WTAP: variants seen among roughly 807,000 people sequenced by gnomAD.
WTAP encodes the protein WT1 associated protein, also known as pre-mRNA-splicing regulator WTAP.
Under a neutral mutation model 50.0 loss-of-function variants are expected in WTAP, and 8 were observed. The ratio of observed to expected loss-of-function variants is 0.16; its 90% CI spans 0.09 to 0.29. The LOEUF (loss-of-function observed/expected upper bound fraction) is 0.29, where lower values mean the gene tolerates loss of function less well. Ranked by LOEUF, WTAP falls within the 10% of genes least tolerant of loss-of-function variation. The pLI is 1.00. For missense variants in WTAP, 295 were observed against 470.7 expected (o/e 0.63, Z 3.45); for synonymous variants, 194 against 169.0 (o/e 1.15, Z -1.15).
chr6:159,741,761 G>A (rs1779269579), intron 3 of WTAP: 4 of 203,276 alleles, frequency 2.0e-5, no homozygotes, highest in Non-Finnish European at 2.0e-5. Flanking sequence ...GCCAGGGTGT[G>A]AGGATCATTT....
intron 1 of WTAP, among the ~76,000 whole-genome samples, chr6:159,735,614 T>G (rs934411924): frequency 2.6e-5 from 4 of 152,048 alleles, no homozygotes. Flanking sequence ...CCAGGTGTGG[T>G]GGCACGCACC....
chr6:159,733,057 G>T (rs140729247), intron 1 of WTAP, among the ~76,000 whole-genome samples: 232 of 152,230 alleles, frequency 1.5e-3, no homozygotes, highest in Non-Finnish European at 1.7e-3. Flanking sequence ...TAAATATGGT[G>T]ATGGTTTCTG....
At chr6:159,727,012 G>A, upstream of WTAP, 4 of 1,248,120 alleles carry the variant, frequency 3.2e-6, no homozygotes, top group Non-Finnish European at 4.1e-6. Context: ...CTCCGCACGA[G>A]GCAGCCCCGC....
At chr6:159,730,014 A>C (rs1343519097) in intron 1 of WTAP, among the ~76,000 whole-genome samples, 1 of 152,146 alleles carries the variant, frequency 6.6e-6, no homozygotes, top group African/African-American at 2.4e-5. Context: ...TGATTTTCTG[A>C]GATATATTAT....
intron 5 of WTAP, among the ~76,000 whole-genome samples, chr6:159,746,057 C>T (rs1314681292): frequency 6.6e-6 from 1 of 152,196 alleles, no homozygotes; most frequent in Non-Finnish European, 1.5e-5. Context: ...GGAAATCCAG[C>T]ATTCCCTCCT....
chr6:159,746,554 C>T (rs1397638773), intron 5 of WTAP, among the ~76,000 whole-genome samples: 1 of 152,132 alleles, frequency 6.6e-6, no homozygotes, highest in East Asian at 1.9e-4. Flanking sequence ...ATTTCTTTGT[C>T]TACATGCAGT....
At chr6:159,741,700 G>T in intron 3 of WTAP, 1 of 172,032 alleles carries the variant, frequency 5.8e-6, no homozygotes, top group Non-Finnish European at 1.2e-5. Context: ...AGTTAAACTA[G>T]ATTTAGGCTG....
chr6:159,734,854 T>C (rs530774984), intron 1 of WTAP, among the ~76,000 whole-genome samples: 1 of 152,328 alleles, frequency 6.6e-6, no homozygotes, highest in East Asian at 1.9e-4. Flanking sequence ...TACTTTTTTT[T>C]CCAACCTTGT....
chr6:159,743,910 C>A, intron 5 of WTAP, 118 bp downstream of exon 5: 1 of 1,111,912 alleles, frequency 9.0e-7, no homozygotes, highest in Non-Finnish European at 1.2e-6. Context: ...TTTATAGGTA[C>A]GTATGCTTTG....
intron 1 of WTAP, among the ~76,000 whole-genome samples, chr6:159,735,993 G>A (rs1778889978): frequency 6.6e-6 from 1 of 152,010 alleles, no homozygotes; most frequent in African/African-American, 2.4e-5. Flanking sequence ...TTTTTACGAG[G>A]GAATTTGTAA....
intron 1 of WTAP, among the ~76,000 whole-genome samples, chr6:159,728,584 G>A (rs150815031): frequency 6.6e-6 from 1 of 152,164 alleles, no homozygotes; most frequent in East Asian, 1.9e-4. Flanking sequence ...CTCGTTTTTT[G>A]GATTTTAAAA....
At chr6:159,746,384 CCT>C (rs1450686997) in intron 5 of WTAP, among the ~76,000 whole-genome samples, 2 of 152,166 alleles carry the variant, frequency 1.3e-5, no homozygotes, top group African/African-American at 4.8e-5. Context: ...GTATTAGGTA[CCT>C]GTCCTTTAAA....
At chr6:159,743,607 A>C in intron 4 of WTAP, 58 bp from the exon 5 acceptor site, 1 of 1,491,896 alleles carries the variant, frequency 6.7e-7, no homozygotes, top group Admixed American at 2.1e-5. Flanking sequence ...TGTTCTTGAC[A>C]GAGGTATTTA....
chr6:159,736,347 C>CT, intron 2 of WTAP, 52 bp downstream of exon 2: 1 of 1,375,724 alleles, frequency 7.3e-7, no homozygotes, highest in Non-Finnish European at 1.0e-6. Flanking sequence ...TTTTTGGGGG[C>CT]TTTTTTAAGC....
rs1196306258 is a variant in WTAP, at chr6:159,755,834, C to A, written c.*223C>A. The A allele has an allele frequency of 1.5e-6, 1 of 659,464 alleles. No homozygotes were observed. Among genetic ancestry groups the A allele is most frequent in the Non-Finnish European group, 2.0e-6 (1 of 499,012 alleles). The allele number at this position is 659,464 out of a possible 1,614,324, so 40.9% of individuals were successfully genotyped here. A position where few individuals can be genotyped will look rare whatever the true frequency, so the allele number is the denominator to read the frequency against. ...CTTTGGAAATTGTAACAGTTAATTA[C>A]TTTGAATGTTGCTAAAAGGACATTT... On this transcript the variant is annotated 3_prime_UTR_variant, in exon 8 of 8. Coordinates refer to ENST00000621533, the MANE Select transcript of WTAP (RefSeq NM_001270531.2).
intron 3 of WTAP, among the ~76,000 whole-genome samples, chr6:159,740,804 CG>C (rs1779212549): frequency 6.6e-6 from 1 of 151,366 alleles, no homozygotes; most frequent in South Asian, 2.1e-4. Flanking sequence ...CCCGGTCAAG[CG>C]GTTCTCCTGC....
chr6:159,729,713 A>T (rs1365339317), intron 1 of WTAP, among the ~76,000 whole-genome samples: 1 of 152,216 alleles, frequency 6.6e-6, no homozygotes, highest in Admixed American at 6.5e-5. Context: ...CAGATAGAGG[A>T]TAAGGAAAAG....
At position 159,738,670 on chromosome 6, in the gene WTAP, G is replaced by A. The variant is rs113886498; in HGVS notation, c.31-320G>A. Among the ~76,000 whole-genome samples, 1,092 of 152,192 alleles carry A rather than the reference G, an allele frequency of 7.2e-3. 5 individuals carry two copies. The highest frequency in any genetic ancestry group is 0.013 in the East Asian group (66 of 5,182). ...AGATACCATTTTTATATTCTCACCT[G>A]CAGTGTAGGAAACTTCAGTTTCTCT... On this transcript the variant is annotated intron_variant, in intron 2 of 7. Coordinates refer to ENST00000621533, the MANE Select transcript of WTAP (RefSeq NM_001270531.2).
At chr6:159,730,680 C>A (rs1318715024) in intron 1 of WTAP, among the ~76,000 whole-genome samples, 1 of 152,196 alleles carries the variant, frequency 6.6e-6, no homozygotes, top group Admixed American at 6.5e-5. Context: ...GAAGGATTTT[C>A]TTTCTAAATA....
Sources: gnomAD v4.1 joint callset for allele counts (sites outside exome capture counted in the v4.1 genomes callset) on GRCh38, gnomAD v4.1.1 for gene constraint, MANE v1.5 for transcripts, NCBI Gene and HGNC (gene_info 2026-07-23, HGNC 2026-07-21) for gene names.